PDE1C: variants seen among roughly 807,000 people sequenced by gnomAD.
The protein encoded by PDE1C is dual specificity calcium/calmodulin-dependent 3',5'-cyclic nucleotide phosphodiesterase 1C.
Under a neutral mutation model 93.1 loss-of-function variants are expected in PDE1C, and 62 were observed. The observed-to-expected ratio is 0.67, with a 90% confidence interval of 0.54 to 0.82. PDE1C has a LOEUF of 0.82. PDE1C is among the 40% of genes least tolerant of loss of function. The pLI is 0.00. For missense variants in PDE1C, 742 were observed against 884.6 expected (o/e 0.84, Z 2.04); for synonymous variants, 325 against 310.1 (o/e 1.05, Z -0.50).
At chr7:32,261,992 G>C (rs906153292) in intron 1 of PDE1C, among the ~76,000 whole-genome samples, 7 of 145,490 alleles carry the variant, frequency 4.8e-5, no homozygotes, top group Admixed American at 1.5e-4. Flanking sequence ...CTCACACCAG[G>C]GGTTGCTTTG....
At chr7:31,717,103 T>C in the PDE1C span, among the ~76,000 whole-genome samples, 1 of 152,254 alleles carries the variant, frequency 6.6e-6, no homozygotes, top group African/African-American at 2.4e-5. Context: ...TTGTAAGTTA[T>C]ATGGCAAGAA....
chr7:31,663,903 A>G, the PDE1C span, among the ~76,000 whole-genome samples: 4 of 152,194 alleles, frequency 2.6e-5, no homozygotes, highest in Non-Finnish European at 5.9e-5. Flanking sequence ...GGATTACAGT[A>G]GCTCAAATAT....
intron 16 of PDE1C, among the ~76,000 whole-genome samples, chr7:31,801,891 T>C (rs1386631355): frequency 6.6e-6 from 1 of 151,544 alleles, no homozygotes; most frequent in Non-Finnish European, 1.5e-5. Context: ...TTTTTGTTTT[T>C]ATTTGTATAT....
chr7:32,243,607 C>T lies in PDE1C; in HGVS notation c.86-34068G>A, dbSNP rs181888534. On this transcript the variant is annotated intron_variant, in intron 1 of 18. Transcript: ENST00000396193. Reference sequence around the variant, plus strand: ...ATATCAGGAACATCATGGTTGGAGTCGGAGGTGGTGATAGTGGGATCTGGA... The same window carrying T: ...ATATCAGGAACATCATGGTTGGAGTTGGAGGTGGTGATAGTGGGATCTGGA... Among the ~76,000 whole-genome samples, 81 of 152,206 alleles carry T rather than the reference C, an allele frequency of 5.3e-4. 1 individual carries two copies. In the South Asian group the frequency reaches 8.5e-3, roughly 16 times the overall value.
intron 2 of PDE1C, among the ~76,000 whole-genome samples, chr7:31,992,150 G>A (rs544905725): frequency 3.3e-5 from 5 of 152,352 alleles, no homozygotes; most frequent in Admixed American, 1.3e-4. Flanking sequence ...GTAGGGAGAA[G>A]AGCAGTACTG....
chr7:32,199,922 G>A (rs1307113432), intron 2 of PDE1C, among the ~76,000 whole-genome samples: 1 of 152,092 alleles, frequency 6.6e-6, no homozygotes, highest in African/African-American at 2.4e-5. Context: ...TTTGTTTCAC[G>A]GATGAAATTA....
At chr7:31,662,966 C>T in the PDE1C span, among the ~76,000 whole-genome samples, 1 of 152,170 alleles carries the variant, frequency 6.6e-6, no homozygotes, top group African/African-American at 2.4e-5. Flanking sequence ...AGGATGTAGT[C>T]TTAACTCTTC....
intron 5 of PDE1C, among the ~76,000 whole-genome samples, chr7:31,877,743 T>C (rs1249733888): frequency 6.6e-6 from 1 of 150,540 alleles, no homozygotes; most frequent in African/African-American, 2.5e-5. Flanking sequence ...TCTAGAGTAC[T>C]AGAAAGAAAT....
At chr7:32,071,439 A>G, upstream of PDE1C, 1 of 985,358 alleles carries the variant, frequency 1.0e-6, no homozygotes. Context: ...TTCTTGCTAA[A>G]GGGGCTCTCT....
chr7:32,345,289 G>C (rs1409584793), intron 1 of PDE1C, among the ~76,000 whole-genome samples: 4 of 152,190 alleles, frequency 2.6e-5, no homozygotes, highest in African/African-American at 7.2e-5. Flanking sequence ...GGAAAGCAGG[G>C]AGAGGCTGCA....
intron 2 of PDE1C, among the ~76,000 whole-genome samples, chr7:32,049,746 A>C (rs1793097163): frequency 6.6e-6 from 1 of 152,156 alleles, no homozygotes; most frequent in Admixed American, 6.5e-5. Flanking sequence ...AGTCAAGTAC[A>C]ATGAAAGCAG....
At chr7:31,923,286 A>G (rs1802866872) in intron 2 of PDE1C, among the ~76,000 whole-genome samples, 1 of 152,210 alleles carries the variant, frequency 6.6e-6, no homozygotes, top group African/African-American at 2.4e-5. Flanking sequence ...CCCCAGCTGC[A>G]TGTTAGAATC....
At chr7:32,235,245 C>G (rs139136429) in intron 1 of PDE1C, among the ~76,000 whole-genome samples, 3 of 152,040 alleles carry the variant, frequency 2.0e-5, no homozygotes, top group Non-Finnish European at 4.4e-5. Flanking sequence ...ACCTATTCAA[C>G]ATCATATTGG....
chr7:32,037,927 A>G (rs1225355187), intron 2 of PDE1C, among the ~76,000 whole-genome samples: 2 of 152,200 alleles, frequency 1.3e-5, no homozygotes, highest in East Asian at 1.9e-4. Context: ...CAAAACATTC[A>G]GTATGACTTA....
chr7:32,357,945 A>G (rs375020529), intron 1 of PDE1C, among the ~76,000 whole-genome samples: 4 of 152,170 alleles, frequency 2.6e-5, no homozygotes, highest in African/African-American at 9.7e-5. Context: ...TGTGTCTTAC[A>G]TCTAATTTGC....
intron 7 of PDE1C, among the ~76,000 whole-genome samples, chr7:31,864,306 T>A (rs578095978): frequency 6.6e-6 from 1 of 152,276 alleles, no homozygotes; most frequent in South Asian, 2.1e-4. Flanking sequence ...CAGTGAGCTA[T>A]GATCTCACCA....
At chr7:32,154,667 C>T (rs1045824364) in intron 3 of PDE1C, among the ~76,000 whole-genome samples, 3 of 152,194 alleles carry the variant, frequency 2.0e-5, no homozygotes, top group African/African-American at 7.2e-5. Flanking sequence ...TACAGAGTCA[C>T]GATGGAATCT....
chr7:31,642,241 G>T, the PDE1C span: 2 of 1,554,036 alleles, frequency 1.3e-6, no homozygotes, highest in Non-Finnish European at 1.7e-6. Context: ...GGAGCCGCTG[G>T]AACCGCTGCC....
At chr7:31,844,865 T>G (rs1792355601) in intron 9 of PDE1C, among the ~76,000 whole-genome samples, 1 of 152,106 alleles carries the variant, frequency 6.6e-6, no homozygotes, top group Non-Finnish European at 1.5e-5. Flanking sequence ...AATCAAATAA[T>G]TTCCAACTTT....
Sources: allele counts gnomAD v4.1 joint callset (sites outside exome capture counted in the v4.1 genomes callset), GRCh38; gene constraint gnomAD v4.1.1; transcripts MANE v1.5; gene names NCBI Gene and HGNC (gene_info 2026-07-23, HGNC 2026-07-21).